Variants in GNA14 observed in about 807,000 individuals in gnomAD.
GNA14 encodes guanine nucleotide-binding protein subunit alpha-14.
A neutral mutation model predicts 42.0 loss-of-function variants in GNA14; 50 were observed. The observed-to-expected ratio is 1.19, with a 90% CI of 0.95 to 1.51. The LOEUF (loss-of-function observed/expected upper bound fraction) is 1.51. Among genes scored for constraint, GNA14 ranks in the 40% most tolerant of loss-of-function variants. The pLI, the probability that GNA14 is intolerant of heterozygous loss-of-function variation, is 0.00. For missense variants in GNA14, 473 were observed against 446.2 expected, an observed-to-expected ratio of 1.06 and a Z score of -0.54; for synonymous variants, 173 against 163.1, an observed-to-expected ratio of 1.06 and a Z score of -0.46.
At chr9:77,446,254 C>A (rs147141154) in intron 2 of GNA14, among the ~76,000 whole-genome samples, 1 of 152,198 alleles carries the variant, frequency 6.6e-6, no homozygotes, top group African/African-American at 2.4e-5. Context: ...GTTATTTTCA[C>A]GGCCCTTCCA....
In GNA14 at chr9:77,431,364, C is replaced by T. The variant is rs770804772; in HGVS notation, c.550G>A (p.Gly184Ser). 9.9e-6 allele frequency: 16 copies of T among 1,613,514 alleles called. No individual in the cohort carries two copies. The highest frequency in any genetic ancestry group is 1.3e-5 in the African/African-American group (1 of 74,850). Reference sequence around the variant, plus strand: ...AAGTCAAATGGATACTCAATGATGCCGGTGGTGGGCACTCGGACGCGAAGC... The same window carrying T: ...AAGTCAAATGGATACTCAATGATGCTGGTGGTGGGCACTCGGACGCGAAGC... Reference protein sequence around the residue: ...DVLRVRVPTTGIIEYPFDLEN... With the variant: ...DVLRVRVPTTSIIEYPFDLEN... Residue 184 changes from glycine (G) to serine (S), a missense_variant, in exon 4 of 7, where the codon GGC becomes AGC. Transcript: ENST00000341700.
chr9:77,609,060 G>T (rs1823688221), intron 1 of GNA14, among the ~76,000 whole-genome samples: 1 of 151,998 alleles, frequency 6.6e-6, no homozygotes, highest in Non-Finnish European at 1.5e-5. Context: ...TTCAAGTTCT[G>T]GTTCCTTTTT....
intron 2 of GNA14, among the ~76,000 whole-genome samples, chr9:77,469,093 G>C (rs1002502861): frequency 6.6e-6 from 1 of 152,080 alleles, no homozygotes; most frequent in African/African-American, 2.4e-5. Flanking sequence ...TTAGTCTCAG[G>C]TCCCTGTAGG....
intron 1 of GNA14, among the ~76,000 whole-genome samples, chr9:77,532,859 T>G (rs1399555934): frequency 6.6e-6 from 1 of 152,132 alleles, no homozygotes; most frequent in African/African-American, 2.4e-5. Flanking sequence ...ACAGGAACCC[T>G]CACCCTGGCA....
chr9:77,515,971 A>AAAAAAAAAAAAAAC lies in GNA14; in HGVS notation c.309+13097_309+13098insGTTTTTTTTTTTTT, dbSNP rs1554693936. ...AAGACCCTGTCTCACAAAAAAAAAA[A>AAAAAAAAAAAAAAC]AAAAAAAAAAAACCCAGAGCAGGAA... On this transcript the variant is annotated intron_variant, in intron 2 of 6. Coordinates refer to ENST00000341700, the MANE Select transcript of GNA14 (RefSeq NM_004297.4). Among the ~76,000 whole-genome samples, 49 of 147,302 alleles carry AAAAAAAAAAAAAAC rather than the reference A, an allele frequency of 3.3e-4. 3 individuals are homozygous for AAAAAAAAAAAAAAC. The highest frequency in any genetic ancestry group is 6.2e-4 in the Non-Finnish European group (41 of 66,374).
rs183960025 is a variant in GNA14, at chr9:77,482,893, C to T, written c.309+46176G>A. Among the ~76,000 whole-genome samples, 1,041 of 152,330 alleles carry T rather than the reference C, an allele frequency of 6.8e-3. 12 individuals are homozygous for T. Among genetic ancestry groups the T allele is most frequent in the African/African-American group, 0.023 (969 of 41,580 alleles). ...CCTTCACGTCGTTCTTGAGCCTTGG[C>T]TTTCAGCTCCATCAGGTCCTTTAAG... On this transcript the variant is annotated intron_variant, in intron 2 of 6. Transcript: ENST00000341700.
At chr9:77,543,543 A>G (rs1837684409) in intron 1 of GNA14, among the ~76,000 whole-genome samples, 1 of 152,224 alleles carries the variant, frequency 6.6e-6, no homozygotes, top group Non-Finnish European at 1.5e-5. Context: ...ATGTCACTGC[A>G]CAATCTCTAG....
At chr9:77,638,673 C>G (rs1328579183) in intron 1 of GNA14, among the ~76,000 whole-genome samples, 1 of 152,124 alleles carries the variant, frequency 6.6e-6, no homozygotes, top group Non-Finnish European at 1.5e-5. Flanking sequence ...GGCATTTATT[C>G]CAAGTGTAAG....
chr9:77,426,574 G>A (rs958863574), intron 5 of GNA14, among the ~76,000 whole-genome samples: 1 of 152,194 alleles, frequency 6.6e-6, no homozygotes, highest in African/African-American at 2.4e-5. Flanking sequence ...AAAGTGCTGG[G>A]ATTACAGGCA....
At position 77,478,424 on chromosome 9, in the gene GNA14, T is replaced by A. The variant is rs530684632; in HGVS notation, c.310-43902A>T. On this transcript the variant is annotated intron_variant, in intron 2 of 6. Transcript: ENST00000341700. The stretch of plus-strand genomic sequence containing the variant: ...TGCCACATTTTCTTAATCCAGTCTA[T>A]CGTTGTTGGACATTTGGGTTGGTTC... Among the ~76,000 whole-genome samples the A allele has an allele frequency of 1.3e-4, 20 of 152,316 alleles. No individual in the cohort carries two copies. In the East Asian group the frequency reaches 3.5e-3, roughly 26 times the overall value.
intron 5 of GNA14, among the ~76,000 whole-genome samples, chr9:77,426,772 C>A (rs1213491783): frequency 6.6e-6 from 1 of 152,136 alleles, no homozygotes; most frequent in Non-Finnish European, 1.5e-5. Flanking sequence ...TTATCTGTGA[C>A]AATAATTGTT....
intron 1 of GNA14, among the ~76,000 whole-genome samples, chr9:77,555,337 C>A (rs1441261744): frequency 6.6e-6 from 1 of 152,054 alleles, no homozygotes; most frequent in Non-Finnish European, 1.5e-5. Context: ...GAAACTCGGT[C>A]TCTACCAAAA....
At chr9:77,437,265 C>T (rs781560633) in intron 2 of GNA14, among the ~76,000 whole-genome samples, 1 of 152,180 alleles carries the variant, frequency 6.6e-6, no homozygotes, top group Non-Finnish European at 1.5e-5. Flanking sequence ...AACATTACGG[C>T]CAAGTGCAGT....
chr9:77,518,409 T>C (rs1837295828), intron 2 of GNA14, among the ~76,000 whole-genome samples: 1 of 152,082 alleles, frequency 6.6e-6, no homozygotes, highest in African/African-American at 2.4e-5. Context: ...GGCAAGTCTC[T>C]ACACAACTTA....
At chr9:77,525,346 C>T (rs1026308124) in intron 2 of GNA14, among the ~76,000 whole-genome samples, 4 of 152,096 alleles carry the variant, frequency 2.6e-5, no homozygotes, top group Non-Finnish European at 4.4e-5. Flanking sequence ...TCTTTCCATT[C>T]GACCTTCTGC....
chr9:77,618,600 A>ATTT, intron 1 of GNA14, among the ~76,000 whole-genome samples: 1 of 13,418 alleles, frequency 7.5e-5, no homozygotes, highest in Non-Finnish European at 1.9e-4. Flanking sequence ...ATATATATAT[A>ATTT]TATATATATA....
intron 1 of GNA14, among the ~76,000 whole-genome samples, chr9:77,544,575 T>G (rs1837697073): frequency 6.7e-6 from 1 of 150,280 alleles, no homozygotes; most frequent in Admixed American, 6.7e-5. Flanking sequence ...TGGTAGCATG[T>G]GCCTGTAGAC....
intron 2 of GNA14, among the ~76,000 whole-genome samples, chr9:77,511,075 AT>A (rs575989487): frequency 2.0e-5 from 3 of 149,154 alleles, no homozygotes; most frequent in East Asian, 2.0e-4. Flanking sequence ...AAAAGTTTTT[AT>A]TTTTTTTTAA....
At chr9:77,461,178 G>A (rs966645332) in intron 2 of GNA14, among the ~76,000 whole-genome samples, 7 of 152,242 alleles carry the variant, frequency 4.6e-5, no homozygotes, top group East Asian at 1.9e-4. Context: ...GGTGGCATCC[G>A]CGCTGTGAGT....
Sources: allele counts gnomAD v4.1 joint callset (sites outside exome capture counted in the v4.1 genomes callset), GRCh38; gene constraint gnomAD v4.1.1; transcripts MANE v1.5; gene names NCBI Gene and HGNC (gene_info 2026-07-23, HGNC 2026-07-21).